UBA6: variants seen among roughly 807,000 people sequenced by gnomAD.
UBA6 encodes ubiquitin-like modifier-activating enzyme 6.
In UBA6, 87 loss-of-function variants were observed where a neutral mutation model predicts 148.3. The ratio of observed to expected loss-of-function variants is 0.59; its 90% CI spans 0.49 to 0.70. UBA6 has a LOEUF of 0.70. Ranked by LOEUF, UBA6 falls within the 30% of genes least tolerant of loss-of-function variation. UBA6 has a pLI of 0.00. For missense variants in UBA6, 1,186 were observed against 1,241.2 expected (o/e 0.96, Z 0.67); for synonymous variants, 376 against 401.0 (o/e 0.94, Z 0.75).
Position 67,649,176 on chromosome 4 carries a change from A to G in UBA6, c.1140T>C (p.Ser380=). The change falls in exon 14 of 33, where the codon TCT becomes TCC. Residue 380 remains serine, a synonymous_variant. Transcript: ENST00000322244. ...GAGATAAAAAGCCTTGGGCAGTCCA[A>G]GAGAGCCAATGCACAATGTCAGCAT... ...DVNADIVHWL[S]WTAQGFLSPL... is the part of the protein sequence containing the mutation. The G allele has an allele frequency of 6.2e-7, 1 of 1,613,208 alleles. No homozygotes were observed. The highest frequency in any genetic ancestry group is 8.5e-7 in the Non-Finnish European group (1 of 1,179,628).
At chr4:67,690,353 A>G (rs1730666492) in intron 2 of UBA6, among the ~76,000 whole-genome samples, 1 of 152,136 alleles carries the variant, frequency 6.6e-6, no homozygotes, top group African/African-American at 2.4e-5. Context: ...TAAAACTCCC[A>G]GAAGAAAACA....
rs1728574439 is a variant in UBA6, at chr4:67,613,511, A to G, written c.*5486T>C. On this transcript the variant is annotated 3_prime_UTR_variant, in exon 33 of 33. Coordinates refer to ENST00000322244, the MANE Select transcript of UBA6 (RefSeq NM_018227.6). The stretch of plus-strand genomic sequence containing the variant: ...GACAAATTTACATGCTTTCAATTAG[A>G]AATATGAGAACTGAAAATACAAGGG... The G allele has an allele frequency of 6.6e-6, 1 of 152,224 alleles. No homozygotes were observed. Among genetic ancestry groups the G allele is most frequent in the African/African-American group, 2.4e-5 (1 of 41,452 alleles). 9.4% of individuals were successfully genotyped at this position (152,224 alleles called of 1,614,324 possible).
chr4:67,622,754 C>G (rs1264592308), intron 32 of UBA6, 77 bp downstream of exon 32: 1 of 1,002,258 alleles, frequency 1.0e-6, no homozygotes, highest in Non-Finnish European at 1.5e-6. Context: ...ATAGTAACCT[C>G]TATATTTAAT....
rs918100721 is a variant in UBA6, at chr4:67,664,128, A to T, written c.898-181T>A. On this transcript the variant is annotated intron_variant, in intron 10 of 32. Transcript: ENST00000322244. Reference sequence around the variant, plus strand: ...AGCTACCATTATTATGACCATACTTAAAAAAAAAAGTTAAATGCAATAAAA... The same window carrying T: ...AGCTACCATTATTATGACCATACTTTAAAAAAAAAGTTAAATGCAATAAAA... Among the ~76,000 whole-genome samples, 5 of 149,846 alleles carry T rather than the reference A, an allele frequency of 3.3e-5. No homozygotes were observed. The East Asian group carries it at 5.8e-4, about 17-fold the overall frequency.
chr4:67,651,880 C>T (rs905835220), intron 13 of UBA6, among the ~76,000 whole-genome samples: 26 of 152,016 alleles, frequency 1.7e-4, no homozygotes, highest in Admixed American at 5.2e-4. Context: ...GACATTCATA[C>T]ACAAAAAAAT....
At position 67,639,106 on chromosome 4, in the gene UBA6, C is replaced by A; in HGVS notation, c.1573G>T (p.Ala525Ser). ...TTTATTTTCAGAGTAGCATCAGCAG[C>A]AGTGTAGCTTTTAGGTTTCTAAACA... ...HHIQKPKSYT[A>S]ADATLKINSQ... Residue 525 changes from alanine (A) to serine (S), a missense_variant, in exon 19 of 33, where the codon GCT becomes TCT. Ala to Ser is a moderately conservative substitution (Grantham distance 99). Coordinates refer to ENST00000322244, the MANE Select transcript of UBA6 (RefSeq NM_018227.6). 6.2e-7 allele frequency: 1 copy of A among 1,612,112 alleles called. No homozygotes were observed.
Position 67,678,532 on chromosome 4 carries a change from G to A in UBA6, c.260C>T (p.Ala87Val). 6.3e-7 allele frequency: 1 copy of A among 1,580,164 alleles called. No individual in the cohort carries two copies. The highest frequency in any genetic ancestry group is 8.6e-7 in the Non-Finnish European group (1 of 1,160,080). ...AKNLVLAGIK[A>V]VTIHDTEKCQ... ...TTTTTCTGTATCATGAATTGTAACTGCCTTCAAAAAAGAAAAAAGTATTGG... is the reference window on the plus strand; with the variant it reads ...TTTTTCTGTATCATGAATTGTAACTACCTTCAAAAAAGAAAAAAGTATTGG... Residue 87 changes from alanine to valine, a missense_variant and splice_region_variant, in exon 5 of 33, where the codon GCA becomes GTA. Coordinates refer to ENST00000322244, the MANE Select transcript of UBA6 (RefSeq NM_018227.6).
In UBA6 at chr4:67,625,283, C is replaced by T. The variant is rs551085574; in HGVS notation, c.2519-96G>A. On this transcript the variant is annotated intron_variant, in intron 28 of 32. Transcript: ENST00000322244. The stretch of plus-strand genomic sequence containing the variant: ...TGAATTTACTAACTTTCAAAGATTC[C>T]TTTTTATATTTTTTAATGACTGAGA... The T allele has an allele frequency of 8.4e-5, 80 of 952,864 alleles. No homozygotes were observed. In the African/African-American group the frequency reaches 1.1e-3, roughly 13 times the overall value. 59.0% of individuals were successfully genotyped at this position (952,864 alleles called of 1,614,324 possible).
At chr4:67,637,007 C>G (rs1315517826) in intron 19 of UBA6, among the ~76,000 whole-genome samples, 3 of 151,660 alleles carry the variant, frequency 2.0e-5, no homozygotes, top group Non-Finnish European at 2.9e-5. Context: ...CCCCACCGCC[C>G]CATCTGGGAT....
At chr4:67,644,979 G>C (rs1300812458) in intron 16 of UBA6, among the ~76,000 whole-genome samples, 2 of 151,892 alleles carry the variant, frequency 1.3e-5, no homozygotes, top group Non-Finnish European at 2.9e-5. Context: ...ACATTGAACT[G>C]CTTATGTAAG....
intron 2 of UBA6, among the ~76,000 whole-genome samples, chr4:67,694,145 G>C (rs1243328489): frequency 7.2e-6 from 1 of 138,704 alleles, no homozygotes; most frequent in Non-Finnish European, 1.5e-5. Flanking sequence ...GAACCCAAGA[G>C]GCGGAGGTTG....
intron 13 of UBA6, among the ~76,000 whole-genome samples, chr4:67,654,955 C>T (rs1228346848): frequency 6.6e-6 from 1 of 151,556 alleles, no homozygotes; most frequent in Non-Finnish European, 1.5e-5. Context: ...AAGGCCATTA[C>T]ATAATGGTAA....
At chr4:67,680,014 T>C (rs1168700094) in intron 4 of UBA6, among the ~76,000 whole-genome samples, 1 of 152,176 alleles carries the variant, frequency 6.6e-6, no homozygotes, top group African/African-American at 2.4e-5. Context: ...GAGTTTATCA[T>C]AATGTACACA....
At chr4:67,631,124 G>C (rs1266133271) in intron 25 of UBA6, among the ~76,000 whole-genome samples, 1 of 152,194 alleles carries the variant, frequency 6.6e-6, no homozygotes, top group Non-Finnish European at 1.5e-5. Context: ...TACTTGGGAA[G>C]CTGAGGTGCG....
chr4:67,662,396 T>G, intron 12 of UBA6, 141 bp from the exon 13 acceptor site: 1 of 585,018 alleles, frequency 1.7e-6, no homozygotes, highest in Non-Finnish European at 3.0e-6. Flanking sequence ...TTGTACTGAT[T>G]TAAAGATGAT....
At chr4:67,648,545 T>C (rs1729478536) in intron 14 of UBA6, among the ~76,000 whole-genome samples, 1 of 152,022 alleles carries the variant, frequency 6.6e-6, no homozygotes, top group Non-Finnish European at 1.5e-5. Context: ...AGAGAGGGCC[T>C]GGAGGCAGTA....
chr4:67,666,898 G>A (rs894779468), intron 9 of UBA6, among the ~76,000 whole-genome samples: 1 of 151,184 alleles, frequency 6.6e-6, no homozygotes, highest in Admixed American at 6.6e-5. Context: ...AAAAACAAAC[G>A]AAAAAACAAA....
chr4:67,667,252 T>C (rs1442394701), intron 9 of UBA6, among the ~76,000 whole-genome samples: 1 of 152,148 alleles, frequency 6.6e-6, no homozygotes, highest in East Asian at 1.9e-4. Flanking sequence ...TTCAAAATAA[T>C]TAGATATAGT....
intron 10 of UBA6, among the ~76,000 whole-genome samples, chr4:67,664,868 A>C (rs1202451064): frequency 6.7e-6 from 1 of 148,756 alleles, no homozygotes; most frequent in African/African-American, 2.6e-5. Flanking sequence ...TGTCTTAGAA[A>C]GTAAATTGTA....
Sources: allele counts gnomAD v4.1 joint callset (sites outside exome capture counted in the v4.1 genomes callset), GRCh38; gene constraint gnomAD v4.1.1; transcripts MANE v1.5; gene names NCBI Gene and HGNC (gene_info 2026-07-23, HGNC 2026-07-21).